Variants in RGS9 observed in about 807,000 individuals in gnomAD.
The protein encoded by RGS9 is regulator of G protein signaling 9, also known as regulator of G-protein signalling 9.
In RGS9, 78 loss-of-function variants were observed where a neutral mutation model predicts 102.0. The observed-to-expected ratio is 0.76, with a 90% CI of 0.64 to 0.92. RGS9 has a LOEUF of 0.92. Ranked by LOEUF, RGS9 falls within the 40% of genes least tolerant of loss-of-function variation. The pLI, the probability that RGS9 is intolerant of heterozygous loss-of-function variation, is 0.00. For synonymous variants in RGS9, 353 were observed against 318.6 expected (o/e 1.11, Z -1.15); for missense variants, 833 against 866.1 (o/e 0.96, Z 0.48).
intron 1 of RGS9, among the ~76,000 whole-genome samples, chr17:65,147,822 A>G (rs115197175): frequency 0.068 from 10,316 of 151,958 alleles, 1,123 homozygotes; most frequent in African/African-American, 0.23. Flanking sequence ...AACTCCTGCC[A>G]TCAAATGATC....
chr17:65,169,211 T>A (rs1911314161), intron 8 of RGS9, among the ~76,000 whole-genome samples: 1 of 152,218 alleles, frequency 6.6e-6, no homozygotes, highest in Non-Finnish European at 1.5e-5. Flanking sequence ...ATTCTTTATA[T>A]ACTGAAAACA....
chr17:65,179,648 T>A (rs953380865), intron 9 of RGS9, among the ~76,000 whole-genome samples: 1 of 142,852 alleles, frequency 7.0e-6, no homozygotes, highest in Non-Finnish European at 1.6e-5. Flanking sequence ...TGTGTGTGTG[T>A]GTGTGTGTGT....
intron 14 of RGS9, among the ~76,000 whole-genome samples, chr17:65,202,444 TGAGAGA>T (rs1555616144): frequency 1.8e-4 from 24 of 131,784 alleles, no homozygotes; most frequent in African/African-American, 6.1e-4. Flanking sequence ...TGTGTGTGTG[TGAGAGA>T]GAGAGAGAGA....
intron 8 of RGS9, among the ~76,000 whole-genome samples, chr17:65,168,493 G>T (rs1481387478): frequency 6.6e-6 from 1 of 151,330 alleles, no homozygotes; most frequent in African/African-American, 2.4e-5. Context: ...CCCATCTGTT[G>T]GTGTTAGGTA....
rs562099745 is a variant in RGS9, at chr17:65,181,724, G to C, written c.654+3921G>C. ...ACCCTTGACATTGGCCTGAGCCCCAGCTCTGCCACTTCCGGTCCATGTGAT... is the reference window on the plus strand; with the variant it reads ...ACCCTTGACATTGGCCTGAGCCCCACCTCTGCCACTTCCGGTCCATGTGAT... On this transcript the variant is annotated intron_variant, in intron 9 of 18. Coordinates refer to ENST00000262406, the MANE Select transcript of RGS9 (RefSeq NM_003835.4). Among the ~76,000 whole-genome samples, 7 of 152,346 alleles carry C rather than the reference G, an allele frequency of 4.6e-5. No homozygotes were observed. In the South Asian group the frequency reaches 1.4e-3, roughly 32 times the overall value.
At chr17:65,183,061 A>AATCTATCTATCTATCT (rs68149271) in intron 9 of RGS9, among the ~76,000 whole-genome samples, 83 of 114,404 alleles carry the variant, frequency 7.3e-4, no homozygotes, top group East Asian at 2.9e-3. Context: ...AATTTTTTTA[A>AATCTATCTATCTATCT]ATCTATCTAT....
intron 1 of RGS9, among the ~76,000 whole-genome samples, chr17:65,152,593 G>A (rs1049237694): frequency 1.3e-5 from 2 of 152,122 alleles, no homozygotes; most frequent in Non-Finnish European, 2.9e-5. Context: ...GCAGTGGTGC[G>A]ATCATAGCTC....
chr17:65,151,433 A>C (rs1910577043), intron 1 of RGS9, among the ~76,000 whole-genome samples: 1 of 152,108 alleles, frequency 6.6e-6, no homozygotes, highest in Non-Finnish European at 1.5e-5. Context: ...AAATGAAAAA[A>C]ACAACTCTAA....
chr17:65,165,816 C>G (rs1911158205), intron 7 of RGS9, among the ~76,000 whole-genome samples: 1 of 152,186 alleles, frequency 6.6e-6, no homozygotes, highest in Non-Finnish European at 1.5e-5. Context: ...AATGTTACTT[C>G]CTCAAAGAGG....
intron 7 of RGS9, among the ~76,000 whole-genome samples, chr17:65,163,981 C>T (rs554537731): frequency 2.6e-5 from 4 of 152,184 alleles, no homozygotes; most frequent in African/African-American, 9.7e-5. Flanking sequence ...GTTAGAACCA[C>T]GCCTCGTTCA....
intron 11 of RGS9, 43 bp downstream of exon 11, chr17:65,190,279 G>T: frequency 6.7e-7 from 1 of 1,489,786 alleles, no homozygotes; most frequent in Non-Finnish European, 9.4e-7. Context: ...CTGATGAACA[G>T]GTAGACAAGA....
At chr17:65,179,641 G>C (rs1386476429) in intron 9 of RGS9, among the ~76,000 whole-genome samples, 2 of 125,712 alleles carry the variant, frequency 1.6e-5, no homozygotes, top group African/African-American at 6.4e-5. Flanking sequence ...TCAGCTGTGT[G>C]TGTGTGTGTG....
chr17:65,203,668 C>T (rs1286558210), intron 14 of RGS9, among the ~76,000 whole-genome samples: 1 of 152,180 alleles, frequency 6.6e-6, no homozygotes, highest in Non-Finnish European at 1.5e-5. Flanking sequence ...GGCCTGTCTG[C>T]CCAGCGGGTC....
At chr17:65,222,170 G>C (rs905413695) in intron 17 of RGS9, among the ~76,000 whole-genome samples, 1 of 152,228 alleles carries the variant, frequency 6.6e-6, no homozygotes, top group Non-Finnish European at 1.5e-5. Flanking sequence ...CTCAGCAGCT[G>C]GGGGCCACCT....
intron 16 of RGS9, among the ~76,000 whole-genome samples, chr17:65,210,054 G>A (rs964520147): frequency 2.0e-5 from 3 of 152,004 alleles, no homozygotes; most frequent in East Asian, 3.8e-4. Context: ...TTCCAGCCTC[G>A]GTGATTCAGA....
At chr17:65,149,127 AG>A (rs1910482893) in intron 1 of RGS9, among the ~76,000 whole-genome samples, 2 of 123,260 alleles carry the variant, frequency 1.6e-5, no homozygotes, top group Non-Finnish European at 1.5e-5. Context: ...ATGCCCGGCT[AG>A]TTTTTTTTTT....
chr17:65,199,534 C>T (rs1336125850), intron 13 of RGS9, among the ~76,000 whole-genome samples: 1 of 143,466 alleles, frequency 7.0e-6, no homozygotes, highest in Non-Finnish European at 1.5e-5. Flanking sequence ...CACTCTGTCG[C>T]CCAGGCTGGA....
intron 8 of RGS9, among the ~76,000 whole-genome samples, chr17:65,169,663 A>T (rs116647544): frequency 0.019 from 2,956 of 152,314 alleles, 112 homozygotes; most frequent in African/African-American, 0.067. Flanking sequence ...GCAAAGTGAC[A>T]TAGACTAGCT....
intron 9 of RGS9, among the ~76,000 whole-genome samples, chr17:65,181,335 A>C (rs2144044076): frequency 6.6e-6 from 1 of 152,306 alleles, no homozygotes; most frequent in South Asian, 2.1e-4. Context: ...AGCCATTCTG[A>C]CTAGTGTGAG....
Sources: allele counts gnomAD v4.1 joint callset (sites outside exome capture counted in the v4.1 genomes callset), GRCh38; gene constraint gnomAD v4.1.1; transcripts MANE v1.5; gene names NCBI Gene and HGNC (gene_info 2026-07-23, HGNC 2026-07-21).